ZFYVE26: variants seen among roughly 807,000 people sequenced by gnomAD.
ZFYVE26 encodes the protein zinc finger FYVE domain-containing protein 26.
A neutral mutation model predicts 276.5 loss-of-function variants in ZFYVE26; 181 were observed. That is an observed-to-expected ratio of 0.65 (90% CI 0.58 to 0.74). The LOEUF is 0.74. Among genes scored for constraint, ZFYVE26 ranks in the 30% least tolerant of loss-of-function variants. ZFYVE26 has a pLI of 0.00. For synonymous variants in ZFYVE26, 1,129 were observed against 1,203.1 expected, an observed-to-expected ratio of 0.94 and a Z score of 1.27; for missense variants, 2,821 against 3,097.9, an observed-to-expected ratio of 0.91 and a Z score of 2.12.
chr14:67,761,246 TG>T, intron 35 of ZFYVE26, 119 bp downstream of exon 35: 2 of 914,584 alleles, frequency 2.2e-6, no homozygotes, highest in Non-Finnish European at 3.5e-6. Flanking sequence ...CTGCTAGAGA[TG>T]GCCCCATAGC....
chr14:67,807,106 TAATTTCTA>T (rs2040197015), intron 5 of ZFYVE26, among the ~76,000 whole-genome samples: 1 of 152,142 alleles, frequency 6.6e-6, no homozygotes, highest in Admixed American at 6.5e-5. Flanking sequence ...CACGCCTAGC[TAATTTCTA>T]AATTTTTTTT....
intron 29 of ZFYVE26, among the ~76,000 whole-genome samples, chr14:67,769,167 A>G (rs1262514341): frequency 6.6e-6 from 1 of 152,224 alleles, no homozygotes; most frequent in Non-Finnish European, 1.5e-5. Flanking sequence ...ATTACGGATT[A>G]CAAGCAAGAA....
rs373284281 is a variant in ZFYVE26, at chr14:67,790,595, G to A, written c.2732C>T (p.Ala911Val). ...RTGSGRSTLQAIGSAAAAGMV... is the reference protein window; with the variant it reads ...RTGSGRSTLQVIGSAAAAGMV... Reference sequence around the variant, plus strand: ...ACCTGCTGCTGCAGCGCTGCCAATGGCCTGTAGAGTTGAGCGGCCACTGCC... The same window carrying A: ...ACCTGCTGCTGCAGCGCTGCCAATGACCTGTAGAGTTGAGCGGCCACTGCC... Residue 911 changes from alanine (A) to valine (V), a missense_variant, in exon 15 of 42, where the codon GCC (alanine) becomes GTC (valine). Physicochemically the swap from Ala to Val is moderately conservative, Grantham distance 64. Coordinates refer to ENST00000347230, the MANE Select transcript of ZFYVE26 (RefSeq NM_015346.4). The A allele has an allele frequency of 3.3e-5, 54 of 1,613,770 alleles. 1 individual carries two copies. The highest frequency in any genetic ancestry group is 8.3e-5 in the Admixed American group (5 of 59,998).
intron 13 of ZFYVE26, 92 bp downstream of exon 13, chr14:67,794,079 A>C: frequency 7.2e-7 from 1 of 1,384,804 alleles, no homozygotes; most frequent in East Asian, 2.3e-5. Flanking sequence ...AACAACCTTG[A>C]CTGCTCAATC....
At chr14:67,804,389 A>C in intron 8 of ZFYVE26, 125 bp from the exon 9 acceptor site, 1 of 1,245,012 alleles carries the variant, frequency 8.0e-7, no homozygotes, top group Non-Finnish European at 1.1e-6. Flanking sequence ...CCTTCCCTAC[A>C]ATCTAAATTT....
rs138253208 is a variant in ZFYVE26 at position 67,803,104 on chromosome 14, C to T, written c.1436-822G>A. ...GGTATAGTGATAAGTGCCTGTAGTC[C>T]CAACTACTGGGGAGGCTGAGACAGG... On this transcript the variant is annotated intron_variant, in intron 9 of 41. Transcript: ENST00000347230. Among the ~76,000 whole-genome samples the T allele has an allele frequency of 4.3e-3, 648 of 152,064 alleles. 6 individuals are homozygous for T. Among genetic ancestry groups the T allele is most frequent in the Non-Finnish European group, 4.3e-3 (293 of 67,998 alleles).
rs927216336 is a variant in ZFYVE26, at chr14:67,807,569, G to A, written c.715C>T (p.Leu239=). 1 of 1,614,076 alleles carries A rather than the reference G, an allele frequency of 6.2e-7. No homozygotes were observed. The highest frequency in any genetic ancestry group is 8.5e-7 in the Non-Finnish European group (1 of 1,180,038). The stretch of plus-strand genomic sequence containing the variant: ...CAGGCCTCTAGTAGTTCCTCACACA[G>A]GAGATGCAACTCAACCCCAAGTGGT... ...AEPLGVELHL[L]CEELLEACRT... The change falls in exon 5 of 42, where the codon CTG becomes TTG. Residue 239 remains leucine (L), a synonymous_variant. Transcript: ENST00000347230.
intron 35 of ZFYVE26, among the ~76,000 whole-genome samples, chr14:67,759,244 GAAAAA>G (rs1171265652): frequency 0.39 from 31,811 of 81,164 alleles, 4,532 homozygotes; most frequent in South Asian, 0.63. Context: ...GACTCTGTCT[GAAAAA>G]AAAAAAAAAA....
At chr14:67,793,165 G>C (rs969352402) in intron 14 of ZFYVE26, among the ~76,000 whole-genome samples, 3 of 152,090 alleles carry the variant, frequency 2.0e-5, no homozygotes, top group Non-Finnish European at 4.4e-5. Context: ...GCTTAGGCAG[G>C]AGAATCGTTT....
intron 13 of ZFYVE26, among the ~76,000 whole-genome samples, chr14:67,738,820 C>T (rs61986978): frequency 0.44 from 67,055 of 152,006 alleles, 16,904 homozygotes; most frequent in Non-Finnish European, 0.59. Flanking sequence ...TCATTCCCTA[C>T]TCTGACTTTG....
At chr14:67,788,534 A>T (rs2140231195) in intron 16 of ZFYVE26, among the ~76,000 whole-genome samples, 1 of 152,232 alleles carries the variant, frequency 6.6e-6, no homozygotes, top group Admixed American at 6.5e-5. Context: ...CAGGGAGAGG[A>T]CTCTTGGAAG....
chr14:67,753,372 A>T (rs1028307705), intron 39 of ZFYVE26, among the ~76,000 whole-genome samples: 17 of 152,206 alleles, frequency 1.1e-4, no homozygotes, highest in African/African-American at 3.9e-4. Flanking sequence ...CCTTGTGGCC[A>T]GTGGAAAGCC....
At chr14:67,790,425 G>C (rs1351099981) in intron 15 of ZFYVE26, 147 bp downstream of exon 15, 1 of 822,346 alleles carries the variant, frequency 1.2e-6, no homozygotes, top group African/African-American at 1.7e-5. Context: ...AAAACTGGAC[G>C]TATCAGGTTT....
chr14:67,806,732 G>C, intron 5 of ZFYVE26, 57 bp from the exon 6 acceptor site: 1 of 1,607,404 alleles, frequency 6.2e-7, no homozygotes, highest in Non-Finnish European at 8.5e-7. Context: ...TTCTAAGCTA[G>C]AGCCCATTTG....
At chr14:67,810,645 C>T (rs1299460809) in intron 3 of ZFYVE26, among the ~76,000 whole-genome samples, 1 of 152,198 alleles carries the variant, frequency 6.6e-6, no homozygotes, top group African/African-American at 2.4e-5. Context: ...GGCTCTGACT[C>T]TTCCTGCGCC....
At position 67,783,146 on chromosome 14, in the gene ZFYVE26, A is replaced by G. The variant is rs755562098; in HGVS notation, c.4006T>C (p.Trp1336Arg). The G allele has an allele frequency of 3.7e-6, 6 of 1,607,846 alleles. No homozygotes were observed. Among genetic ancestry groups the G allele is most frequent in the African/African-American group, 2.7e-5 (2 of 74,720 alleles). Residue 1336 changes from tryptophan to arginine, a missense_variant, in exon 21 of 42, where the codon TGG becomes CGG. Coordinates refer to ENST00000347230, the MANE Select transcript of ZFYVE26 (RefSeq NM_015346.4). ...RLKVSKPSLS[W>R]KELRGRREVP... is the part of the protein sequence containing the mutation. ...TCCCTGCGGCCACGAAGTTCCTTCCATGACAAGCTGGGTTTGCTGACCTTT... is the reference window on the plus strand; with the variant it reads ...TCCCTGCGGCCACGAAGTTCCTTCCGTGACAAGCTGGGTTTGCTGACCTTT...
At chr14:67,797,574 C>A in intron 12 of ZFYVE26, 98 bp downstream of exon 12, 1 of 1,332,596 alleles carries the variant, frequency 7.5e-7, no homozygotes, top group East Asian at 2.4e-5. Flanking sequence ...TTTTACAACG[C>A]TTTTGTTGTT....
intron 13 of ZFYVE26, chr14:67,734,065 C>T: frequency 2.3e-6 from 1 of 426,418 alleles, no homozygotes; most frequent in South Asian, 2.0e-5. Context: ...GAGTGTTCTT[C>T]TCTAAGACCT....
chr14:67,758,424 G>A (rs2038843602), intron 35 of ZFYVE26, among the ~76,000 whole-genome samples: 1 of 152,070 alleles, frequency 6.6e-6, no homozygotes, highest in African/African-American at 2.4e-5. Flanking sequence ...TTCATAATTG[G>A]TACTAGGTCA....
Sources: allele counts gnomAD v4.1 joint callset (sites outside exome capture counted in the v4.1 genomes callset), GRCh38; gene constraint gnomAD v4.1.1; transcripts MANE v1.5; gene names NCBI Gene and HGNC (gene_info 2026-07-23, HGNC 2026-07-21).